The following CALN1 variants were observed in gnomAD, a reference collection of about 807,000 sequenced individuals.
CALN1 encodes calcium-binding protein 8.
CALN1 carries 17 observed loss-of-function variants against 30.6 expected under a neutral mutation model. The observed-to-expected ratio is 0.56, with a 90% CI of 0.38 to 0.83. The LOEUF is 0.83. Among genes scored for constraint, CALN1 ranks in the 40% least tolerant of loss-of-function variants. CALN1 has a pLI of 0.00. For missense variants in CALN1, 291 were observed against 354.9 expected, an observed-to-expected ratio of 0.82 and a Z score of 1.45; for synonymous variants, 156 against 131.4, an observed-to-expected ratio of 1.19 and a Z score of -1.28.
intron 5 of CALN1, among the ~76,000 whole-genome samples, chr7:71,960,704 C>T (rs1017175918): frequency 6.6e-6 from 1 of 152,152 alleles, no homozygotes; most frequent in African/African-American, 2.4e-5. Flanking sequence ...GATTGAATGG[C>T]AGTTCTAATT....
At chr7:71,992,656 C>A (rs1239710881) in intron 5 of CALN1, among the ~76,000 whole-genome samples, 1 of 152,208 alleles carries the variant, frequency 6.6e-6, no homozygotes, top group East Asian at 1.9e-4. Context: ...TCGCACCCAG[C>A]AAAGACCTTA....
chr7:72,134,875 C>T (rs1329523850), intron 3 of CALN1, among the ~76,000 whole-genome samples: 3 of 152,188 alleles, frequency 2.0e-5, no homozygotes, highest in Admixed American at 2.0e-4. Context: ...GGAGTCAATC[C>T]TTTTAAGCCT....
At chr7:72,120,764 C>CA (rs1165716999) in intron 3 of CALN1, among the ~76,000 whole-genome samples, 1 of 152,104 alleles carries the variant, frequency 6.6e-6, no homozygotes, top group African/African-American at 2.4e-5. Flanking sequence ...CAGAGGATTA[C>CA]AAGGCTACGC....
At chr7:72,108,841 T>C in intron 3 of CALN1, among the ~76,000 whole-genome samples, 1 of 152,342 alleles carries the variant, frequency 6.6e-6, no homozygotes, top group South Asian at 2.1e-4. Context: ...TCAGCTTCCT[T>C]GGACTTTGGG....
chr7:71,987,340 A>G (rs1204601743), intron 5 of CALN1, among the ~76,000 whole-genome samples: 1 of 152,186 alleles, frequency 6.6e-6, no homozygotes, highest in East Asian at 1.9e-4. Flanking sequence ...CCCGTGTGCT[A>G]TTTCACAAGT....
At chr7:72,292,221 T>A (rs936347642) in intron 2 of CALN1, among the ~76,000 whole-genome samples, 1 of 151,810 alleles carries the variant, frequency 6.6e-6, no homozygotes, top group Non-Finnish European at 1.5e-5. Flanking sequence ...TTTCTCATGG[T>A]TCTCAAGCCT....
intron 3 of CALN1, among the ~76,000 whole-genome samples, chr7:72,139,576 C>T (rs963692589): frequency 2.0e-5 from 3 of 151,196 alleles, no homozygotes; most frequent in African/African-American, 7.3e-5. Context: ...CTACCCACAT[C>T]GGCCACACCC....
intron 4 of CALN1, among the ~76,000 whole-genome samples, chr7:72,079,089 T>C (rs1804945426): frequency 6.6e-6 from 1 of 152,208 alleles, no homozygotes; most frequent in African/African-American, 2.4e-5. Context: ...TGCCAGGCTC[T>C]ATTCTAGGCT....
chr7:72,258,877 ACCCTGTCTCTACTAAAAAGT>A (rs1796096492), intron 3 of CALN1, among the ~76,000 whole-genome samples: 1 of 150,984 alleles, frequency 6.6e-6, no homozygotes, highest in Non-Finnish European at 1.5e-5. Context: ...ACATGGTGAA[ACCCTGTCTCTACTAAAAAGT>A]AAAAAAAAAA....
At chr7:72,148,912 A>AAAAG (rs1246120490) in intron 3 of CALN1, among the ~76,000 whole-genome samples, 3 of 151,206 alleles carry the variant, frequency 2.0e-5, no homozygotes, top group Non-Finnish European at 4.4e-5. Context: ...AAAAACAAAA[A>AAAAG]AAAGAAAGAA....
chr7:72,482,926 T>C, the CALN1 span, among the ~76,000 whole-genome samples: 3 of 152,200 alleles, frequency 2.0e-5, no homozygotes, highest in Non-Finnish European at 2.9e-5. Flanking sequence ...ATTTTCTGTG[T>C]CCAAAGAACT....
intron 5 of CALN1, among the ~76,000 whole-genome samples, chr7:72,012,656 C>G (rs1395671669): frequency 6.6e-6 from 1 of 152,222 alleles, no homozygotes; most frequent in Non-Finnish European, 1.5e-5. Context: ...CTGTGACAGT[C>G]CTGCCTTGCG....
At chr7:72,472,611 C>T in the CALN1 span, among the ~76,000 whole-genome samples, 13 of 151,938 alleles carry the variant, frequency 8.6e-5, no homozygotes, top group South Asian at 2.1e-4. Flanking sequence ...ACGGTGAACC[C>T]GTCTCTACTA....
At chr7:71,848,479 T>C (rs1790447757) in intron 5 of CALN1, among the ~76,000 whole-genome samples, 1 of 151,962 alleles carries the variant, frequency 6.6e-6, no homozygotes, top group African/African-American at 2.4e-5. Flanking sequence ...AACAGGAAAA[T>C]AAAACCCCGT....
chr7:71,909,174 G>A (rs961608825), intron 5 of CALN1, among the ~76,000 whole-genome samples: 3 of 151,976 alleles, frequency 2.0e-5, no homozygotes, highest in South Asian at 2.1e-4. Context: ...GCACCAACAC[G>A]CCCAGCTGAT....
At chr7:72,169,952 C>G (rs959353229) in intron 3 of CALN1, among the ~76,000 whole-genome samples, 2 of 152,084 alleles carry the variant, frequency 1.3e-5, no homozygotes, top group East Asian at 1.9e-4. Context: ...CTTGGCCTCC[C>G]GAAGTGCTGG....
intron 5 of CALN1, among the ~76,000 whole-genome samples, chr7:71,849,161 G>T (rs985017771): frequency 1.3e-4 from 20 of 152,064 alleles, no homozygotes; most frequent in African/African-American, 4.6e-4. Flanking sequence ...TCTATGTGTG[G>T]CTTATTTTTA....
At chr7:72,277,027 G>T (rs933228928) in intron 3 of CALN1, among the ~76,000 whole-genome samples, 1 of 144,964 alleles carries the variant, frequency 6.9e-6, no homozygotes, top group Non-Finnish European at 1.5e-5. Flanking sequence ...CAAGCCTCCT[G>T]AACTGTGCGA....
intron 2 of CALN1, among the ~76,000 whole-genome samples, chr7:72,384,714 G>A (rs1190792945): frequency 6.6e-6 from 1 of 151,984 alleles, no homozygotes; most frequent in African/African-American, 2.4e-5. Flanking sequence ...AAAACTTCTA[G>A]AAGAAAACAC....
Sources: allele counts gnomAD v4.1 joint callset (sites outside exome capture counted in the v4.1 genomes callset), GRCh38; gene constraint gnomAD v4.1.1; transcripts MANE v1.5; gene names NCBI Gene and HGNC (gene_info 2026-07-23, HGNC 2026-07-21).